TCF7L1: variants seen among roughly 807,000 people sequenced by gnomAD.
TCF7L1 encodes transcription factor 7-like 1.
TCF7L1 carries 18 observed loss-of-function variants against 63.7 expected under a neutral mutation model. The ratio of observed to expected loss-of-function variants is 0.28; its 90% CI spans 0.20 to 0.42. The LOEUF (loss-of-function observed/expected upper bound fraction) is 0.42, where lower values mean the gene tolerates loss of function less well. Ranked by LOEUF, TCF7L1 falls within the 10% of genes least tolerant of loss-of-function variation. The pLI, the probability that TCF7L1 is intolerant of heterozygous loss-of-function variation, is 1.00. For synonymous variants in TCF7L1, 355 were observed against 340.9 expected, an observed-to-expected ratio of 1.04 and a Z score of -0.46; for missense variants, 654 against 779.3, an observed-to-expected ratio of 0.84 and a Z score of 1.91.
intron 3 of TCF7L1, among the ~76,000 whole-genome samples, chr2:85,149,320 TATACAC>T (rs557122754): frequency 1.7e-3 from 151 of 89,458 alleles, no homozygotes; most frequent in African/African-American, 6.3e-3. Context: ...TATATACACA[TATACAC>T]ATATGTGTGT....
chr2:85,187,433 G>T (rs2104259695), intron 3 of TCF7L1, among the ~76,000 whole-genome samples: 1 of 152,302 alleles, frequency 6.6e-6, no homozygotes, highest in Middle Eastern at 3.4e-3. Context: ...TGTGTTTCTT[G>T]CTAAAAGTTG....
chr2:85,245,149 C>T (rs1376136978), intron 3 of TCF7L1, among the ~76,000 whole-genome samples: 1 of 152,136 alleles, frequency 6.6e-6, no homozygotes, highest in Non-Finnish European at 1.5e-5. Flanking sequence ...CTTCAAAATC[C>T]CAGGCACGTC....
At chr2:85,239,351 G>A (rs571462631) in intron 3 of TCF7L1, among the ~76,000 whole-genome samples, 35 of 152,158 alleles carry the variant, frequency 2.3e-4, no homozygotes, top group Non-Finnish European at 1.2e-4. Flanking sequence ...GCCCTGCCAC[G>A]GACACAGACC....
chr2:85,250,911 A>G (rs1680573182), intron 3 of TCF7L1, among the ~76,000 whole-genome samples: 2 of 152,240 alleles, frequency 1.3e-5, no homozygotes, highest in African/African-American at 4.8e-5. Flanking sequence ...CCACTAAAGA[A>G]AGGCAAAGGA....
At chr2:85,308,892 A>G in intron 11 of TCF7L1, 137 bp from the exon 12 acceptor site, 1 of 995,660 alleles carries the variant, frequency 1.0e-6, no homozygotes, top group Non-Finnish European at 1.5e-6. Flanking sequence ...CTAGTCTTGA[A>G]AGCCTTGGAA....
At chr2:85,195,708 G>T (rs760282286) in intron 3 of TCF7L1, among the ~76,000 whole-genome samples, 1 of 151,768 alleles carries the variant, frequency 6.6e-6, no homozygotes, top group African/African-American at 2.4e-5. Flanking sequence ...CACCACCCCC[G>T]GCCAATTTTT....
chr2:85,133,714 C>A lies in TCF7L1; in HGVS notation c.30C>A (p.Gly10=). The change falls in exon 1 of 12, where the codon GGC becomes GGA. Residue 10 remains glycine, a synonymous_variant. Coordinates refer to ENST00000282111, the MANE Select transcript of TCF7L1 (RefSeq NM_031283.3). The surrounding 1 kb of genome is among the most constrained non-coding windows in gnomAD (Gnocchi z 4.4). The part of the protein sequence containing the change: MPQLGGGGG[G]GGGGSGGGGG... ...CCCAGCTCGGCGGCGGGGGCGGCGG[C>A]GGCGGCGGCGGCAGCGGGGGAGGCG... The A allele has an allele frequency of 8.9e-7, 1 of 1,124,384 alleles. No homozygotes were observed. Among genetic ancestry groups the A allele is most frequent in the Non-Finnish European group, 1.1e-6 (1 of 919,862 alleles). The allele number at this position is 1,124,384 out of a possible 1,614,324, so 69.7% of individuals were successfully genotyped here.
intron 3 of TCF7L1, among the ~76,000 whole-genome samples, chr2:85,272,901 G>A (rs1681184041): frequency 6.6e-6 from 1 of 152,234 alleles, no homozygotes; most frequent in South Asian, 2.1e-4. Context: ...CTTCCCCAGA[G>A]CTGCCCATGT....
intron 3 of TCF7L1, among the ~76,000 whole-genome samples, chr2:85,244,853 A>G (rs60161685): frequency 0.022 from 3,342 of 152,232 alleles, 123 homozygotes; most frequent in African/African-American, 0.076. Flanking sequence ...GCTTTTGCAC[A>G]CTGGAGAGAA....
At chr2:85,189,426 G>A (rs1678998616) in intron 3 of TCF7L1, among the ~76,000 whole-genome samples, 1 of 152,222 alleles carries the variant, frequency 6.6e-6, no homozygotes, top group Non-Finnish European at 1.5e-5. Context: ...CAGGGCCTTT[G>A]GCTCAGATCC....
intron 11 of TCF7L1, among the ~76,000 whole-genome samples, chr2:85,308,466 CCT>C (rs1682189896): frequency 3.8e-5 from 2 of 53,306 alleles, no homozygotes; most frequent in Admixed American, 1.8e-4. Flanking sequence ...CCTCTCTTTC[CCT>C]CCCTCTCCCC....
intron 4 of TCF7L1, among the ~76,000 whole-genome samples, chr2:85,286,114 C>T (rs1009157692): frequency 3.6e-4 from 54 of 151,358 alleles, no homozygotes; most frequent in African/African-American, 1.3e-3. Flanking sequence ...TCGCCTGAAC[C>T]CGGGAGGCAG....
rs957731611 is a variant in TCF7L1 at position 85,133,678 on chromosome 2, C to A, written c.-7C>A. 4.2e-6 allele frequency: 4 copies of A among 960,708 alleles called. No homozygotes were observed. The highest frequency in any genetic ancestry group is 5.2e-4 in the Middle Eastern group (1 of 1,920). 59.5% of individuals were successfully genotyped at this position (960,708 alleles called of 1,614,324 possible). On this transcript the variant is annotated 5_prime_UTR_variant, in exon 1 of 12. Transcript: ENST00000282111. This position sits in a 1 kb window ranked among gnomAD's most constrained non-coding sequence, Gnocchi z 4.4. ...CGAGAGCGGCGGCCCCGGCCCGCGG[C>A]CCCACCATGCCCCAGCTCGGCGGCG...
At chr2:85,164,173 G>A (rs1295424448) in intron 3 of TCF7L1, among the ~76,000 whole-genome samples, 1 of 152,130 alleles carries the variant, frequency 6.6e-6, no homozygotes, top group African/African-American at 2.4e-5. Flanking sequence ...CGGAGCCCAG[G>A]GCTGGTTGCC....
At chr2:85,258,309 A>G (rs1680770542) in intron 3 of TCF7L1, among the ~76,000 whole-genome samples, 1 of 152,130 alleles carries the variant, frequency 6.6e-6, no homozygotes, top group African/African-American at 2.4e-5. Context: ...CAGGCCAGGA[A>G]TCCACGGAGC....
intron 3 of TCF7L1, among the ~76,000 whole-genome samples, chr2:85,152,703 G>A (rs999996906): frequency 4.5e-5 from 6 of 134,066 alleles, no homozygotes; most frequent in South Asian, 2.2e-4. Context: ...CCAAAGTGCT[G>A]GGATTACAGG....
Position 85,140,974 on chromosome 2 carries a change from A to G in TCF7L1, c.441+6524A>G, listed in dbSNP as rs561046238. ...AGATGCCACAGAGAGAGAGGGGACA[A>G]GAAGATCGAGGAGTCAAGAGGAGCT... is the stretch of plus-strand genomic sequence containing the variant. On this transcript the variant is annotated intron_variant, in intron 3 of 11. Transcript: ENST00000282111. Among the ~76,000 whole-genome samples, 7 of 152,184 alleles carry G rather than the reference A, an allele frequency of 4.6e-5. No homozygotes were observed. The East Asian group carries it at 1.2e-3, about 25-fold the overall frequency.
chr2:85,138,226 A>G (rs1379791297), intron 3 of TCF7L1, among the ~76,000 whole-genome samples: 1 of 152,142 alleles, frequency 6.6e-6, no homozygotes, highest in Non-Finnish European at 1.5e-5. Context: ...TGTGTATGAA[A>G]TTGTCCTGGT....
At chr2:85,255,780 G>T (rs773853017) in intron 3 of TCF7L1, among the ~76,000 whole-genome samples, 1 of 152,160 alleles carries the variant, frequency 6.6e-6, no homozygotes, top group Non-Finnish European at 1.5e-5. Flanking sequence ...CTGGTCCCAC[G>T]TGGGGCAGGT....
Sources: allele counts gnomAD v4.1 joint callset (sites outside exome capture counted in the v4.1 genomes callset), GRCh38; gene constraint gnomAD v4.1.1; non-coding constraint Gnocchi (gnomAD v3.1); transcripts MANE v1.5; gene names NCBI Gene and HGNC (gene_info 2026-07-23, HGNC 2026-07-21).